MYO19: variants seen among roughly 807,000 people sequenced by gnomAD.
MYO19 encodes unconventional myosin-XIX.
Under a neutral mutation model 129.2 loss-of-function variants are expected in MYO19, and 132 were observed. That is an observed-to-expected ratio of 1.02 (90% CI 0.89 to 1.18). MYO19 has a LOEUF of 1.18. Ranked by LOEUF, MYO19 falls within the 50% of genes most tolerant of loss-of-function variation. The pLI, the probability that MYO19 is intolerant of heterozygous loss-of-function variation, is 0.00. For synonymous variants in MYO19, 531 were observed against 477.2 expected (o/e 1.11, Z -1.47); for missense variants, 1,210 against 1,216.7 (o/e 0.99, Z 0.08).
intron 18 of MYO19, 115 bp downstream of exon 18, chr17:36,506,341 A>G: frequency 7.7e-7 from 1 of 1,304,940 alleles, no homozygotes; most frequent in Admixed American, 1.7e-5. Flanking sequence ...GACCACATCT[A>G]CTTGACTTGC....
chr17:36,538,551 A>C (rs1290721958), upstream of MYO19: 1 of 1,613,700 alleles, frequency 6.2e-7, no homozygotes, highest in African/African-American at 1.3e-5. Flanking sequence ...CAATCTCTAT[A>C]TGTTTTCCAA....
At chr17:36,501,262 T>C (rs1479080287) in intron 21 of MYO19, 27 bp from the exon 22 acceptor site, 2 of 1,593,068 alleles carry the variant, frequency 1.3e-6, no homozygotes, top group Non-Finnish European at 1.7e-6. Context: ...GCCCCATCAG[T>C]GCATGGTCAT....
At chr17:36,511,021 A>G (rs1020463559) in intron 12 of MYO19, 104 bp from the exon 13 acceptor site, 1 of 1,312,962 alleles carries the variant, frequency 7.6e-7, no homozygotes, top group Non-Finnish European at 1.0e-6. Context: ...CCAACTGGAC[A>G]GAAGAAACCT....
intron 25 of MYO19, chr17:36,497,980 G>C: frequency 2.3e-6 from 1 of 433,302 alleles, no homozygotes; most frequent in South Asian, 4.0e-5. Flanking sequence ...CTGGGAGCTT[G>C]CTAGAAACGC....
intron 16 of MYO19, 68 bp downstream of exon 16, chr17:36,507,331 T>G (rs2071981963): frequency 1.3e-6 from 2 of 1,486,986 alleles, no homozygotes; most frequent in South Asian, 2.3e-5. Context: ...GGAAACAGGA[T>G]AATCATCAAG....
At chr17:36,516,982 C>A (rs955765228) in intron 6 of MYO19, among the ~76,000 whole-genome samples, 1 of 152,150 alleles carries the variant, frequency 6.6e-6, no homozygotes, top group Admixed American at 6.5e-5. Context: ...CCAGGGCCTA[C>A]AGCTTTCTCT....
Position 36,496,111 on chromosome 17 carries a change from G to C in MYO19, c.*140C>G. The C allele has an allele frequency of 8.3e-7, 1 of 1,199,226 alleles. No homozygotes were observed. The highest frequency in any genetic ancestry group is 1.2e-6 in the Non-Finnish European group (1 of 846,314). 74.3% of individuals were successfully genotyped at this position (1,199,226 alleles called of 1,614,324 possible). A position where few individuals can be genotyped will look rare whatever the true frequency, so the allele number is the denominator to read the frequency against. ...ACTGACGCACTGGGCACGGGGCTCT[G>C]GGTCGAAGGCTGGAGCCGTCACTGT... On this transcript the variant is annotated 3_prime_UTR_variant, in exon 26 of 26. Transcript: ENST00000614623.
intron 3 of MYO19, among the ~76,000 whole-genome samples, chr17:36,530,016 T>A (rs1414301403): frequency 6.6e-6 from 1 of 152,206 alleles, no homozygotes; most frequent in Middle Eastern, 3.2e-3. Flanking sequence ...ACCGCTGCAC[T>A]CTAGCCTGGC....
rs370139773 is a variant in MYO19 at position 36,528,074 on chromosome 17, T to A, written c.141A>T (p.Thr47=). The part of the protein sequence containing the change: ...LDDLTRVNPV[T]LETVLRCLQA... ...ATGGGAGGCCCATACCTGTCTCTAG[T>A]GTCACAGGATTCACCCTGGTGAGGT... The change falls in exon 4 of 26, where the codon ACA becomes ACT. Residue 47 remains threonine, a synonymous_variant. Transcript: ENST00000614623. 10 of 1,613,286 alleles carry A rather than the reference T, an allele frequency of 6.2e-6. No homozygotes were observed. The highest frequency in any genetic ancestry group is 8.5e-6 in the Non-Finnish European group (10 of 1,179,432).
upstream of MYO19, chr17:36,537,727 T>C (rs746263249): frequency 6.2e-7 from 1 of 1,614,118 alleles, no homozygotes; most frequent in East Asian, 2.2e-5. Context: ...GTTTGGCCAT[T>C]AGTCTTCCTA....
intron 11 of MYO19, chr17:36,512,699 C>G: frequency 7.8e-7 from 1 of 1,289,208 alleles, no homozygotes; most frequent in Non-Finnish European, 1.0e-6. Flanking sequence ...GTGAGGGTCA[C>G]TTTCCACTGC....
chr17:36,533,786 C>T (rs2073966743), intron 2 of MYO19, 167 bp downstream of exon 2: 1 of 152,270 alleles, frequency 6.6e-6, no homozygotes, highest in Non-Finnish European at 1.5e-5. Flanking sequence ...TCATCTCAAG[C>T]AATAGGTCCA....
At position 36,501,054 on chromosome 17, in the gene MYO19, C is replaced by A; in HGVS notation, c.2247+15G>T. 1 of 1,605,998 alleles carries A rather than the reference C, an allele frequency of 6.2e-7. No homozygotes were observed. Among genetic ancestry groups the A allele is most frequent in the Non-Finnish European group, 8.5e-7 (1 of 1,173,540 alleles). On this transcript the variant is annotated intron_variant, in intron 22 of 25. Transcript: ENST00000614623. ...AGCTTGCCTCTGTAACCTCCTCATC[C>A]CCAAACCAGCTCACCATAGAGTCAG...
chr17:36,499,741 T>C (rs1161784880), intron 23 of MYO19: 1 of 145,620 alleles, frequency 6.9e-6, no homozygotes, highest in Non-Finnish European at 1.5e-5. Context: ...GAACAGCTTA[T>C]TGTAGCCTCC....
intron 23 of MYO19, 147 bp downstream of exon 23, chr17:36,500,683 G>A: frequency 1.7e-6 from 2 of 1,149,832 alleles, no homozygotes; most frequent in East Asian, 5.2e-5. Context: ...AGGGGGACAG[G>A]GAATTTGAAT....
chr17:36,517,409 G>A (rs573867522), intron 6 of MYO19, among the ~76,000 whole-genome samples: 13 of 152,108 alleles, frequency 8.5e-5, no homozygotes, highest in Admixed American at 6.5e-4. Flanking sequence ...ACAGGCGCTC[G>A]CCACCATGCC....
rs759363729 is a variant in MYO19, at chr17:36,513,623, C to T, written c.817+6G>A. The T allele has an allele frequency of 1.2e-6, 2 of 1,613,848 alleles. No individual in the cohort carries two copies. The highest frequency in any genetic ancestry group is 2.7e-5 in the African/African-American group (2 of 74,930). On this transcript the variant is annotated splice_donor_region_variant and intron_variant, in intron 10 of 25. Transcript: ENST00000614623. ...AGCGCAAGGTGCTGGATGGGGCTCC[C>T]CTTACCTTCTAAGCTCCTCTCTGGG...
intron 3 of MYO19, among the ~76,000 whole-genome samples, chr17:36,530,711 C>T (rs1458859853): frequency 6.6e-6 from 1 of 151,972 alleles, no homozygotes; most frequent in Non-Finnish European, 1.5e-5. Context: ...ACCACTGTCT[C>T]CCAGGTTCAA....
chr17:36,517,209 T>C (rs1188654585), intron 6 of MYO19, among the ~76,000 whole-genome samples: 1 of 152,198 alleles, frequency 6.6e-6, no homozygotes, highest in East Asian at 1.9e-4. Flanking sequence ...ATACTGGTGA[T>C]TTACATCTTT....
Sources: allele counts gnomAD v4.1 joint callset (sites outside exome capture counted in the v4.1 genomes callset), GRCh38; gene constraint gnomAD v4.1.1; transcripts MANE v1.5; gene names NCBI Gene and HGNC (gene_info 2026-07-23, HGNC 2026-07-21).